The following VPS41 variants were observed in gnomAD, a reference collection of about 807,000 sequenced individuals.
VPS41 encodes VPS41 subunit of HOPS complex.
Under a neutral mutation model 130.9 loss-of-function variants are expected in VPS41, and 85 were observed. The ratio of observed to expected loss-of-function variants is 0.65; its 90% confidence interval spans 0.55 to 0.78. The LOEUF (loss-of-function observed/expected upper bound fraction) is 0.78, where lower values mean the gene tolerates loss of function less well. Among genes scored for constraint, VPS41 ranks in the 30% least tolerant of loss-of-function variants. VPS41 has a pLI of 0.00. For missense variants in VPS41, 874 were observed against 1,018.7 expected, an observed-to-expected ratio of 0.86 and a Z score of 1.93; for synonymous variants, 335 against 332.9, an observed-to-expected ratio of 1.01 and a Z score of -0.07.
chr7:38,831,014 C>T (rs1205420786), intron 4 of VPS41, among the ~76,000 whole-genome samples: 2 of 152,170 alleles, frequency 1.3e-5, no homozygotes, highest in African/African-American at 4.8e-5. Context: ...AAAGCAAAAG[C>T]TGATCTGGGA....
At chr7:38,754,840 T>C (rs1783756835) in intron 20 of VPS41, 55 bp downstream of exon 20, 2 of 1,586,990 alleles carry the variant, frequency 1.3e-6, no homozygotes. Flanking sequence ...TCTTCACAGC[T>C]ATAGGAGTCC....
intron 4 of VPS41, among the ~76,000 whole-genome samples, chr7:38,835,005 G>A (rs556852653): frequency 4.6e-5 from 7 of 151,618 alleles, no homozygotes; most frequent in Admixed American, 2.6e-4. Flanking sequence ...TTTACTATAC[G>A]GTCATTATAC....
At chr7:38,868,862 A>G (rs943907935) in intron 3 of VPS41, among the ~76,000 whole-genome samples, 1 of 152,200 alleles carries the variant, frequency 6.6e-6, no homozygotes, top group Non-Finnish European at 1.5e-5. Context: ...TGAGGAATTA[A>G]GTGAGCGACA....
intron 17 of VPS41, among the ~76,000 whole-genome samples, chr7:38,758,877 C>G (rs1783858809): frequency 6.6e-6 from 1 of 152,198 alleles, no homozygotes; most frequent in African/African-American, 2.4e-5. Context: ...TTGGAGGGCT[C>G]CCCAAGAGCT....
At chr7:38,887,904 C>G (rs1786770181) in intron 2 of VPS41, among the ~76,000 whole-genome samples, 1 of 152,126 alleles carries the variant, frequency 6.6e-6, no homozygotes, top group African/African-American at 2.4e-5. Context: ...AATTTTCAAC[C>G]CAGAATTTCA....
chr7:38,789,995 G>A, intron 9 of VPS41, 128 bp from the exon 10 acceptor site: 1 of 791,220 alleles, frequency 1.3e-6, no homozygotes. Flanking sequence ...TCTACCCTAT[G>A]ACTTAAATGA....
At chr7:38,874,198 A>C (rs528196610) in intron 2 of VPS41, among the ~76,000 whole-genome samples, 14 of 151,504 alleles carry the variant, frequency 9.2e-5, no homozygotes, top group Non-Finnish European at 2.1e-4. Flanking sequence ...CCAAATGAAG[A>C]CTTGAATTTT....
chr7:38,805,778 C>T (rs1784829053), intron 7 of VPS41, among the ~76,000 whole-genome samples: 1 of 152,180 alleles, frequency 6.6e-6, no homozygotes, highest in Admixed American at 6.5e-5. Flanking sequence ...TGTTCATCCT[C>T]TCTACACACT....
At chr7:38,750,175 C>T (rs1244082998) in intron 22 of VPS41, among the ~76,000 whole-genome samples, 1 of 152,182 alleles carries the variant, frequency 6.6e-6, no homozygotes. Context: ...CCAGAACTTA[C>T]TTTAAGGAAA....
At position 38,767,537 on chromosome 7, in the gene VPS41, C is replaced by T. The variant is rs1211913824; in HGVS notation, c.1247G>A (p.Arg416His). 13 of 1,594,426 alleles carry T rather than the reference C, an allele frequency of 8.2e-6. No individual in the cohort carries two copies. Among genetic ancestry groups the T allele is most frequent in the East Asian group, 6.8e-5 (3 of 44,230 alleles). ...VERGDYDIAARKCQKILGKNA... is the reference protein window; with the variant it reads ...VERGDYDIAAHKCQKILGKNA... ...ATAATTGTGAAAATGTCATCATTAC[C>T]GTGCTGCTATGTCATAGTCTCCTCT... The change falls in exon 15 of 29, where the codon CGC becomes CAC. Residue 416 changes from arginine to histidine, a missense_variant and splice_region_variant. Transcript: ENST00000310301.
At chr7:38,821,096 A>G (rs1214340986) in intron 6 of VPS41, 107 bp downstream of exon 6, 1 of 803,576 alleles carries the variant, frequency 1.2e-6, no homozygotes, top group African/African-American at 1.7e-5. Context: ...TTGAACAGAC[A>G]CTTACTGACA....
intron 18 of VPS41, 30 bp downstream of exon 18, chr7:38,758,324 A>C (rs762254683): frequency 6.3e-7 from 1 of 1,581,280 alleles, no homozygotes; most frequent in African/African-American, 1.4e-5. Context: ...ACAGACTGAT[A>C]TGGAAAAAGA....
chr7:38,796,341 T>C (rs1029556719), intron 8 of VPS41: 4 of 389,178 alleles, frequency 1.0e-5, no homozygotes, highest in Non-Finnish European at 2.0e-5. Flanking sequence ...TCTATACTTC[T>C]GTCTATGATT....
rs777235308 is a variant in VPS41, at chr7:38,752,125, A to G, written c.1926+51T>C. ...GAAGAAAGACAAACAACTTACCATC[A>G]ATGACAACCTCTTCATCCAAAGTGT... On this transcript the variant is annotated intron_variant, in intron 22 of 28. Transcript: ENST00000310301. The G allele has an allele frequency of 1.9e-6, 3 of 1,608,904 alleles. No homozygotes were observed. In the South Asian group the frequency reaches 3.3e-5, roughly 18 times the overall value.
At chr7:38,834,584 A>G (rs1204362766) in intron 4 of VPS41, among the ~76,000 whole-genome samples, 3 of 152,284 alleles carry the variant, frequency 2.0e-5, no homozygotes, top group African/African-American at 7.2e-5. Flanking sequence ...AGGAAGAGTC[A>G]CATGGTTTAC....
At chr7:38,869,045 C>A in intron 3 of VPS41, 101 bp downstream of exon 3, 1 of 823,960 alleles carries the variant, frequency 1.2e-6, no homozygotes, top group Non-Finnish European at 1.9e-6. Context: ...GAGACAGAAT[C>A]ACTGTAAAAA....
intron 2 of VPS41, among the ~76,000 whole-genome samples, chr7:38,897,640 G>A (rs1456312980): frequency 2.2e-4 from 15 of 67,956 alleles, no homozygotes; most frequent in South Asian, 1.1e-3. Flanking sequence ...GCGAGACTCC[G>A]TCTCAAAAAA....
intron 7 of VPS41, among the ~76,000 whole-genome samples, chr7:38,814,650 A>G (rs1007221125): frequency 1.4e-4 from 22 of 151,920 alleles, no homozygotes; most frequent in African/African-American, 5.1e-4. Context: ...ACTCTGTCTC[A>G]AAAAAAACAA....
In VPS41 at chr7:38,767,608, G is replaced by A; in HGVS notation, c.1186-10C>T. ...ATGCCAAGCCAATATCCTAGAGAAA[G>A]CCAAATGAAGAAATGTCAAAATTTA... On this transcript the variant is annotated splice_polypyrimidine_tract_variant and intron_variant, in intron 14 of 28. Transcript: ENST00000310301. 1.2e-6 allele frequency: 2 copies of A among 1,603,266 alleles called. No individual in the cohort carries two copies. Among genetic ancestry groups the A allele is most frequent in the Non-Finnish European group, 8.5e-7 (1 of 1,173,038 alleles).
Sources: gnomAD v4.1 joint callset for allele counts (sites outside exome capture counted in the v4.1 genomes callset) on GRCh38, gnomAD v4.1.1 for gene constraint, MANE v1.5 for transcripts, NCBI Gene and HGNC (gene_info 2026-07-23, HGNC 2026-07-21) for gene names.